The following CPEB3 variants were observed in gnomAD, a reference collection of about 807,000 sequenced individuals.
CPEB3 encodes the protein cytoplasmic polyadenylation element binding protein 3.
A neutral mutation model predicts 67.2 loss-of-function variants in CPEB3; 20 were observed. The ratio of observed to expected loss-of-function variants is 0.30; its 90% CI spans 0.21 to 0.43. The LOEUF (loss-of-function observed/expected upper bound fraction) is 0.43. CPEB3 is among the 20% of genes least tolerant of loss of function. The probability of loss-of-function intolerance (pLI) is 1.00; values close to 1 mark genes in which losing one functional copy is unlikely to be tolerated. For synonymous variants in CPEB3, 376 were observed against 393.1 expected (o/e 0.96, Z 0.51); for missense variants, 746 against 968.6 (o/e 0.77, Z 3.05).
chr10:92,063,847 A>T (rs1842451561), intron 9 of CPEB3, among the ~76,000 whole-genome samples: 1 of 152,186 alleles, frequency 6.6e-6, no homozygotes, highest in Admixed American at 6.6e-5. Context: ...AAGTAGAAAC[A>T]AGGATTTCAG....
intron 2 of CPEB3, among the ~76,000 whole-genome samples, chr10:92,238,639 A>T (rs1221080065): frequency 6.6e-6 from 1 of 152,138 alleles, no homozygotes; most frequent in Admixed American, 6.6e-5. Context: ...AAAAAAAAAA[A>T]AAATCCTTCT....
chr10:92,100,554 G>A (rs1017251149), intron 7 of CPEB3, among the ~76,000 whole-genome samples: 2 of 151,992 alleles, frequency 1.3e-5, no homozygotes, highest in Admixed American at 6.6e-5. Context: ...GGGATTACAG[G>A]CATGAGCCAC....
At chr10:92,135,156 A>T (rs1366031880) in intron 6 of CPEB3, among the ~76,000 whole-genome samples, 3 of 152,168 alleles carry the variant, frequency 2.0e-5, no homozygotes, top group South Asian at 2.1e-4. Context: ...AAGCCAAAAT[A>T]GACAAATCAG....
Position 92,239,662 on chromosome 10 carries a change from G to C in CPEB3, c.689C>G (p.Ala230Gly). 1 of 1,562,092 alleles carries C rather than the reference G, an allele frequency of 6.4e-7. No individual in the cohort carries two copies. The highest frequency in any genetic ancestry group is 8.7e-7 in the Non-Finnish European group (1 of 1,154,742). The stretch of plus-strand genomic sequence containing the variant: ...GGCCGACGAGGCGGCGGCTGCGGCA[G>C]CAGCGGCTGCAACCGCCGAAGACGA... ...PSSSSAVAAA[A>G]AAAAASSASS... The change falls in exon 2 of 10, where the codon GCT becomes GGT. Residue 230 changes from alanine to glycine, a missense_variant. Physicochemically the swap from Ala to Gly is moderately conservative, Grantham distance 60. Coordinates refer to ENST00000265997, the MANE Select transcript of CPEB3 (RefSeq NM_014912.5). This position sits in a 1 kb window ranked among gnomAD's most constrained non-coding sequence, Gnocchi z 6.0.
At position 92,189,698 on chromosome 10, in the gene CPEB3, ATTTTTTTTTTT is replaced by A. The variant is rs1035403421; in HGVS notation, c.1165+2768_1165+2778del. Among the ~76,000 whole-genome samples the A allele has an allele frequency of 1.4e-4, 12 of 88,060 alleles. 1 individual carries two copies. Among genetic ancestry groups the A allele is most frequent in the African/African-American group, 3.5e-4 (8 of 22,756 alleles). The allele number at this position is 88,060 out of a possible 152,430, so 57.8% of individuals were successfully genotyped here. ...ACCTCTAGGTAGAGAGTCTCTAGTG[ATTTTTTTTTTT>A]TTTTTTTTTTTTTTTTGAGACAGAG... is the stretch of plus-strand genomic sequence containing the variant. On this transcript the variant is annotated intron_variant, in intron 3 of 9. Transcript: ENST00000265997.
Position 92,265,159 on chromosome 10 carries a change from C to CA in CPEB3, c.-11-24799dup, listed in dbSNP as rs920544536. Among the ~76,000 whole-genome samples the CA allele has an allele frequency of 6.9e-4, 96 of 139,318 alleles. 1 individual carries two copies. Among genetic ancestry groups the CA allele is most frequent in the Admixed American group, 1.3e-3 (18 of 13,942 alleles). The allele number at this position is 139,318 out of a possible 152,430, so 91.4% of individuals were successfully genotyped here. A position where few individuals can be genotyped will look rare whatever the true frequency, so the allele number is the denominator to read the frequency against. ...TGGGCAACACAGCGAGACTCCGCCT[C>CA]AAAAAAAAAAATAAAGTCAAAGCAT... On this transcript the variant is annotated intron_variant, in intron 1 of 9. Coordinates refer to ENST00000265997, the MANE Select transcript of CPEB3 (RefSeq NM_014912.5).
chr10:92,250,716 G>T (rs1852256144), intron 1 of CPEB3, among the ~76,000 whole-genome samples: 1 of 151,934 alleles, frequency 6.6e-6, no homozygotes, highest in Admixed American at 6.6e-5. Context: ...TTGAGACAGA[G>T]TCTCACTCTG....
intron 9 of CPEB3, among the ~76,000 whole-genome samples, chr10:92,072,806 G>A (rs1842798132): frequency 6.6e-6 from 1 of 152,094 alleles, no homozygotes; most frequent in South Asian, 2.1e-4. Context: ...AGAGTTCTAG[G>A]GAGCCTCTGT....
At chr10:92,203,478 AT>A (rs988854154) in intron 2 of CPEB3, among the ~76,000 whole-genome samples, 1 of 146,434 alleles carries the variant, frequency 6.8e-6, no homozygotes. Context: ...GTGTATATAT[AT>A]GTGTGTATAT....
intron 4 of CPEB3, among the ~76,000 whole-genome samples, chr10:92,172,426 CAT>C (rs1194751051): frequency 2.0e-5 from 3 of 152,160 alleles, no homozygotes; most frequent in African/African-American, 7.2e-5. Context: ...TAACACTGAA[CAT>C]GTGTGGAAGT....
chr10:92,217,039 T>TAAAA (rs756509254), intron 2 of CPEB3, among the ~76,000 whole-genome samples: 2 of 104,528 alleles, frequency 1.9e-5, no homozygotes, highest in East Asian at 2.8e-4. Flanking sequence ...ATGCTAAGAC[T>TAAAA]AAAAAAAAAA....
chr10:92,267,655 G>A (rs1853121692), intron 1 of CPEB3, among the ~76,000 whole-genome samples: 1 of 152,162 alleles, frequency 6.6e-6, no homozygotes, highest in Admixed American at 6.6e-5. Flanking sequence ...ATATTATCCA[G>A]GCAGGTAAGG....
At chr10:92,179,802 C>G (rs1291302979) in intron 4 of CPEB3, among the ~76,000 whole-genome samples, 3 of 152,194 alleles carry the variant, frequency 2.0e-5, no homozygotes, top group Non-Finnish European at 2.9e-5. Flanking sequence ...GGTTGCATGT[C>G]AGACCAAGGA....
chr10:92,176,183 A>T (rs1281665862), intron 4 of CPEB3, among the ~76,000 whole-genome samples: 2 of 152,272 alleles, frequency 1.3e-5, no homozygotes, highest in East Asian at 3.8e-4. Context: ...ACAATGTGAG[A>T]TAAACTTATA....
intron 4 of CPEB3, among the ~76,000 whole-genome samples, chr10:92,149,100 C>T (rs1388797559): frequency 6.6e-6 from 1 of 152,098 alleles, no homozygotes; most frequent in African/African-American, 2.4e-5. Flanking sequence ...AAGGTTTCGC[C>T]GTGTTGGCCA....
Position 92,166,254 on chromosome 10 carries a change from G to A in CPEB3, c.1222+14709C>T, listed in dbSNP as rs376962109. 1.8e-4 allele frequency among the ~76,000 whole-genome samples: 28 copies of A among 151,882 alleles called. No homozygotes were observed. The East Asian group carries it at 3.7e-3, about 20-fold the overall frequency. On this transcript the variant is annotated intron_variant, in intron 4 of 9. Transcript: ENST00000265997. ...CTCCCAAGTAGCTGGGATTACAGGC[G>A]TGCACCACCATGCACGGCTAATTTT...
At chr10:92,055,027 A>T (rs2134266503) in intron 9 of CPEB3, among the ~76,000 whole-genome samples, 1 of 152,350 alleles carries the variant, frequency 6.6e-6, no homozygotes, top group African/African-American at 2.4e-5. Context: ...AAAAGACTTA[A>T]TTAGTGCTCC....
intron 6 of CPEB3, chr10:92,137,734 C>G (rs902721431): frequency 1.1e-5 from 4 of 377,886 alleles, no homozygotes; most frequent in Non-Finnish European, 1.4e-5. Flanking sequence ...TGCAGTGGCT[C>G]ACGCCTGTAA....
At chr10:92,138,887 G>A (rs1431404150) in intron 6 of CPEB3, among the ~76,000 whole-genome samples, 1 of 152,162 alleles carries the variant, frequency 6.6e-6, no homozygotes, top group African/African-American at 2.4e-5. Flanking sequence ...ATATCAAAGA[G>A]ATACCTGTAC....
Sources: gnomAD v4.1 joint callset for allele counts (sites outside exome capture counted in the v4.1 genomes callset) on GRCh38, gnomAD v4.1.1 for gene constraint, Gnocchi (gnomAD v3.1) non-coding constraint, MANE v1.5 for transcripts, NCBI Gene and HGNC (gene_info 2026-07-23, HGNC 2026-07-21) for gene names.